The following C10orf90 variants were observed in gnomAD, a reference collection of about 807,000 sequenced individuals.
C10orf90 encodes the protein chromosome 10 open reading frame 90.
In C10orf90, 56 loss-of-function variants were observed where a neutral mutation model predicts 62.5. The ratio of observed to expected loss-of-function variants is 0.90; its 90% CI spans 0.72 to 1.12. C10orf90 has a LOEUF of 1.12. Among genes scored for constraint, C10orf90 ranks in the 50% most tolerant of loss-of-function variants. The pLI is 0.00. For missense variants in C10orf90, 970 were observed against 880.4 expected, an observed-to-expected ratio of 1.10 and a Z score of -1.29; for synonymous variants, 386 against 340.4, an observed-to-expected ratio of 1.13 and a Z score of -1.47.
chr10:126,513,826 A>G (rs780060053), intron 3 of C10orf90, 22 bp downstream of exon 3: 1 of 1,501,484 alleles, frequency 6.7e-7, no homozygotes, highest in Non-Finnish European at 9.3e-7. Context: ...TGACTATTCT[A>G]GAAGTTAGAA....
intron 2 of C10orf90, among the ~76,000 whole-genome samples, chr10:126,598,279 G>A (rs1564886923): frequency 6.6e-5 from 10 of 152,282 alleles, no homozygotes; most frequent in South Asian, 2.1e-4. Context: ...CTGGGTAACA[G>A]GTCTAGCAGG....
chr10:126,615,582 C>T (rs542622078), intron 2 of C10orf90, among the ~76,000 whole-genome samples: 55 of 152,234 alleles, frequency 3.6e-4, no homozygotes, highest in Middle Eastern at 3.4e-3. Context: ...ATATTTTATT[C>T]TCTAATCAAA....
At chr10:126,610,259 C>G (rs182549611) in intron 2 of C10orf90, among the ~76,000 whole-genome samples, 19 of 152,240 alleles carry the variant, frequency 1.2e-4, no homozygotes, top group African/African-American at 4.6e-4. Context: ...TCCCCTGGCT[C>G]TGCCTGGTGG....
At chr10:126,578,991 T>C (rs7898721) in intron 2 of C10orf90, among the ~76,000 whole-genome samples, 60,831 of 151,990 alleles carry the variant, frequency 0.4, 12,583 homozygotes, top group Middle Eastern at 0.47. Context: ...GAAGTCATTT[T>C]GTGAAAACTC....
chr10:126,604,928 A>G (rs544150282), intron 2 of C10orf90, among the ~76,000 whole-genome samples: 3 of 152,324 alleles, frequency 2.0e-5, no homozygotes, highest in African/African-American at 7.2e-5. Flanking sequence ...TAAAATGTAG[A>G]CATTTCACTC....
intron 2 of C10orf90, among the ~76,000 whole-genome samples, chr10:126,535,246 G>C (rs950239295): frequency 5.9e-5 from 9 of 151,948 alleles, no homozygotes; most frequent in African/African-American, 1.9e-4. Flanking sequence ...AGCTGGGTGT[G>C]GTGGGTCACG....
At chr10:126,546,199 A>G (rs10794086) in intron 2 of C10orf90, among the ~76,000 whole-genome samples, 41,626 of 152,064 alleles carry the variant, frequency 0.27, 6,205 homozygotes, top group East Asian at 0.38. Flanking sequence ...TAACCACTCT[A>G]CTCCAGCCAA....
intron 2 of C10orf90, among the ~76,000 whole-genome samples, chr10:126,591,297 G>A (rs2576008): frequency 0.24 from 36,073 of 152,030 alleles, 7,328 homozygotes; most frequent in African/African-American, 0.54. Context: ...AAAATCCTCA[G>A]TAAAATACTG....
chr10:126,668,460 G>A (rs1846678008), intron 1 of C10orf90, among the ~76,000 whole-genome samples: 1 of 152,148 alleles, frequency 6.6e-6, no homozygotes. Context: ...AATTGAGCAA[G>A]GAAGTTTCCT....
intron 2 of C10orf90, among the ~76,000 whole-genome samples, chr10:126,590,154 T>C (rs1244052925): frequency 1.3e-5 from 2 of 152,142 alleles, no homozygotes; most frequent in African/African-American, 2.4e-5. Context: ...TATAAATATA[T>C]ATGTACCCAA....
chr10:126,533,920 G>A (rs1864168047), intron 2 of C10orf90, among the ~76,000 whole-genome samples: 1 of 152,176 alleles, frequency 6.6e-6, no homozygotes. Flanking sequence ...TTCGGGAGTG[G>A]ACCCAATCCA....
At chr10:126,536,767 G>A (rs1261280149) in intron 2 of C10orf90, among the ~76,000 whole-genome samples, 2 of 152,180 alleles carry the variant, frequency 1.3e-5, no homozygotes, top group Non-Finnish European at 2.9e-5. Context: ...TTCAAAGGCA[G>A]CCCTGAAAAT....
chr10:126,526,118 T>G (rs1014004499), intron 2 of C10orf90, among the ~76,000 whole-genome samples: 1 of 150,402 alleles, frequency 6.6e-6, no homozygotes, highest in Non-Finnish European at 1.5e-5. Context: ...AGCTAGGAAG[T>G]CACAAAGTCA....
intron 7 of C10orf90, among the ~76,000 whole-genome samples, chr10:126,457,433 G>A (rs367550022): frequency 1.4e-4 from 21 of 152,280 alleles, no homozygotes; most frequent in Admixed American, 5.9e-4. Context: ...TGGCACAGCC[G>A]GGAGGTGCTG....
At chr10:126,507,607 G>C (rs568589675) in intron 3 of C10orf90, among the ~76,000 whole-genome samples, 1 of 151,816 alleles carries the variant, frequency 6.6e-6, no homozygotes, top group Non-Finnish European at 1.5e-5. Context: ...CACATCATGC[G>C]TTGCTTCCTT....
At chr10:126,461,900 T>C (rs1860007806) in intron 5 of C10orf90, among the ~76,000 whole-genome samples, 1 of 152,192 alleles carries the variant, frequency 6.6e-6, no homozygotes, top group Non-Finnish European at 1.5e-5. Context: ...TCATATTAAG[T>C]GTGTCCTGTC....
intron 4 of C10orf90, among the ~76,000 whole-genome samples, chr10:126,477,780 C>T (rs1860967445): frequency 6.6e-6 from 1 of 152,200 alleles, no homozygotes; most frequent in Non-Finnish European, 1.5e-5. Flanking sequence ...CACTTTTCAG[C>T]AGCTCTGCCA....
chr10:126,623,113 G>C (rs1591152722), intron 2 of C10orf90, among the ~76,000 whole-genome samples: 1 of 152,186 alleles, frequency 6.6e-6, no homozygotes, highest in Admixed American at 6.5e-5. Context: ...TGAGCTCACA[G>C]CTGCATGTCA....
At chr10:126,571,521 C>T (rs1382431973) in intron 2 of C10orf90, among the ~76,000 whole-genome samples, 1 of 152,206 alleles carries the variant, frequency 6.6e-6, no homozygotes, top group Non-Finnish European at 1.5e-5. Flanking sequence ...TGGAAGGATG[C>T]AGAGGGAGGA....
Sources: allele counts gnomAD v4.1 joint callset (sites outside exome capture counted in the v4.1 genomes callset), GRCh38; gene constraint gnomAD v4.1.1; transcripts MANE v1.5; gene names NCBI Gene and HGNC (gene_info 2026-07-23, HGNC 2026-07-21).